DMD: variants seen among roughly 807,000 people sequenced by gnomAD.
The protein encoded by DMD is mutant dystrophin.
DMD carries 63 observed loss-of-function variants against 330.1 expected under a neutral mutation model. The ratio of observed to expected loss-of-function variants is 0.19; its 90% CI spans 0.16 to 0.24. The LOEUF is 0.24. Among genes scored for constraint, DMD ranks in the 10% least tolerant of loss-of-function variants. The pLI, the probability that DMD is intolerant of heterozygous loss-of-function variation, is 1.00. For missense variants in DMD, 3,344 were observed against 2,684.1 expected, an observed-to-expected ratio of 1.25 and a Z score of -5.43; for synonymous variants, 1,223 against 959.8, an observed-to-expected ratio of 1.27 and a Z score of -5.07.
At chrX:31,604,495 G>A (rs190754374) in intron 55 of DMD, among the ~76,000 whole-genome samples, 1 of 111,734 alleles carries the variant, frequency 8.9e-6, no homozygotes, top group Non-Finnish European at 1.9e-5. Context: ...TAATGAGCAA[G>A]TCGAGTGAAG....
chrX:33,274,846 T>C (rs1017424680), intron 1 of DMD, among the ~76,000 whole-genome samples: 42 of 111,224 alleles, frequency 3.8e-4, no homozygotes, highest in African/African-American at 1.2e-3. Context: ...TCAGAAACTT[T>C]TTCCAAACGT....
At chrX:32,006,487 T>C (rs934538462) in intron 44 of DMD, among the ~76,000 whole-genome samples, 1 of 111,608 alleles carries the variant, frequency 9.0e-6, no homozygotes, top group African/African-American at 3.3e-5. Context: ...AGCAAATAAA[T>C]GTTTTATAGG....
intron 9 of DMD, among the ~76,000 whole-genome samples, chrX:32,665,525 G>A (rs1410932604): frequency 1.8e-5 from 2 of 112,074 alleles, no homozygotes; most frequent in Non-Finnish European, 3.8e-5. Flanking sequence ...ACTAAAATGA[G>A]CACATATTGT....
chrX:33,189,117 G>GTA (rs944065225), intron 1 of DMD, among the ~76,000 whole-genome samples: 7 of 109,996 alleles, frequency 6.4e-5, no homozygotes, highest in Middle Eastern at 4.7e-3. Flanking sequence ...TCTCCCCTTT[G>GTA]TATATATATA....
chrX:32,556,821 G>T (rs1423794275), intron 16 of DMD, among the ~76,000 whole-genome samples: 1 of 111,577 alleles, frequency 9.0e-6, no homozygotes, highest in African/African-American at 3.3e-5. Flanking sequence ...TGGGATAAGA[G>T]ATTTCAACTT....
intron 44 of DMD, among the ~76,000 whole-genome samples, chrX:32,106,077 A>G (rs953014197): frequency 4.5e-5 from 5 of 111,944 alleles, no homozygotes; most frequent in Admixed American, 3.8e-4. Context: ...ATCTTAATTT[A>G]ATGATGAAAA....
intron 44 of DMD, among the ~76,000 whole-genome samples, chrX:32,136,210 T>C (rs1489577751): frequency 8.9e-6 from 1 of 112,797 alleles, no homozygotes; most frequent in African/African-American, 3.2e-5. Context: ...AAATGCTTTC[T>C]TTTGGGATAT....
intron 1 of DMD, among the ~76,000 whole-genome samples, chrX:33,145,400 A>G (rs1172478319): frequency 1.8e-5 from 2 of 110,304 alleles, no homozygotes; most frequent in Admixed American, 9.8e-5. Context: ...CACTATCTCA[A>G]CTCAGTTTGT....
intron 7 of DMD, among the ~76,000 whole-genome samples, chrX:32,807,441 G>T (rs2077046288): frequency 9.0e-6 from 1 of 111,352 alleles, no homozygotes; most frequent in Non-Finnish European, 1.9e-5. Context: ...GAGACCATAA[G>T]CAGTGGCTGG....
At chrX:32,810,284 G>C (rs1344050480) in intron 6 of DMD, among the ~76,000 whole-genome samples, 1 of 111,739 alleles carries the variant, frequency 8.9e-6, no homozygotes, top group African/African-American at 3.3e-5. Flanking sequence ...CCAGTCTCGT[G>C]GATTTCAATA....
At chrX:32,426,289 A>T (rs927402919) in intron 29 of DMD, among the ~76,000 whole-genome samples, 1 of 111,940 alleles carries the variant, frequency 8.9e-6, no homozygotes, top group African/African-American at 3.3e-5. Context: ...AATTTATTTT[A>T]AAAACTCTAC....
intron 12 of DMD, among the ~76,000 whole-genome samples, chrX:32,604,971 C>G (rs373538385): frequency 9.0e-6 from 1 of 110,994 alleles, no homozygotes; most frequent in African/African-American, 3.3e-5. Flanking sequence ...AAAATAACCA[C>G]ACTGCTCAAA....
intron 42 of DMD, among the ~76,000 whole-genome samples, chrX:32,302,297 G>T: frequency 9.0e-6 from 1 of 111,341 alleles, no homozygotes; most frequent in East Asian, 2.8e-4. Flanking sequence ...TTTAAGGTAA[G>T]CTAGGCTAAA....
intron 1 of DMD, among the ~76,000 whole-genome samples, chrX:33,097,801 A>T (rs1305682092): frequency 9.2e-6 from 1 of 108,349 alleles, no homozygotes; most frequent in Non-Finnish European, 1.9e-5. Flanking sequence ...TTTTTAGTAG[A>T]GACGGGGTTT....
chrX:31,250,159 C>A (rs946652834), intron 63 of DMD, among the ~76,000 whole-genome samples: 2 of 111,628 alleles, frequency 1.8e-5, no homozygotes, highest in Non-Finnish European at 3.8e-5. Flanking sequence ...CCACTGAATG[C>A]ACCCCATAAA....
chrX:32,764,537 G>T (rs1470018402), intron 7 of DMD, among the ~76,000 whole-genome samples: 1 of 110,875 alleles, frequency 9.0e-6, no homozygotes, highest in Non-Finnish European at 1.9e-5. Context: ...CATACAAATA[G>T]AATCATATGT....
chrX:31,325,023 G>T (rs1247667224), intron 61 of DMD, among the ~76,000 whole-genome samples: 1 of 112,087 alleles, frequency 8.9e-6, no homozygotes, highest in East Asian at 2.8e-4. Flanking sequence ...AAATGGATTT[G>T]TATTTGGCCG....
At chrX:31,942,801 T>C (rs1284186078) in intron 45 of DMD, among the ~76,000 whole-genome samples, 3 of 112,259 alleles carry the variant, frequency 2.7e-5, no homozygotes, top group Non-Finnish European at 5.6e-5. Flanking sequence ...CACCCTATCC[T>C]CAGTACTTAG....
intron 7 of DMD, among the ~76,000 whole-genome samples, chrX:32,786,769 G>T (rs1423250600): frequency 1.8e-5 from 2 of 111,872 alleles, no homozygotes; most frequent in African/African-American, 6.5e-5. Context: ...GTAGTTACAA[G>T]TAGGGAATCT....
Sources: gnomAD v4.1 joint callset for allele counts (sites outside exome capture counted in the v4.1 genomes callset) on GRCh38, gnomAD v4.1.1 for gene constraint, MANE v1.5 for transcripts, NCBI Gene and HGNC (gene_info 2026-07-23, HGNC 2026-07-21) for gene names.